ATP10D: variants seen among roughly 807,000 people sequenced by gnomAD.
The protein encoded by ATP10D is ATPase phospholipid transporting 10D (putative).
Under a neutral mutation model 144.8 loss-of-function variants are expected in ATP10D, and 89 were observed. The ratio of observed to expected loss-of-function variants is 0.61; its 90% CI spans 0.52 to 0.73. ATP10D has a LOEUF of 0.73. Ranked by LOEUF, ATP10D falls within the 30% of genes least tolerant of loss-of-function variation. The pLI is 0.00. For missense variants in ATP10D, 1,603 were observed against 1,714.8 expected, an observed-to-expected ratio of 0.93 and a Z score of 1.15; for synonymous variants, 571 against 615.1, an observed-to-expected ratio of 0.93 and a Z score of 1.06.
intron 1 of ATP10D, among the ~76,000 whole-genome samples, chr4:47,502,471 TA>T (rs5858075): frequency 0.31 from 44,010 of 141,272 alleles, 6,593 homozygotes; most frequent in Middle Eastern, 0.36. Context: ...CTACGTCTCA[TA>T]AAAAAAAAAA....
intron 14 of ATP10D, 129 bp downstream of exon 14, chr4:47,561,204 G>C (rs1305248383): frequency 4.2e-6 from 5 of 1,200,556 alleles, no homozygotes; most frequent in Non-Finnish European, 5.9e-6. Context: ...TGTCCAGTCT[G>C]ATCTCTATCC....
intron 2 of ATP10D, 160 bp downstream of exon 2, chr4:47,512,990 A>T: frequency 5.9e-6 from 4 of 675,070 alleles, no homozygotes; most frequent in Non-Finnish European, 7.2e-6. Flanking sequence ...GACTCCTCCC[A>T]TTCACGTAGC....
intron 11 of ATP10D, among the ~76,000 whole-genome samples, chr4:47,557,174 C>G (rs1055071689): frequency 6.6e-6 from 1 of 151,726 alleles, no homozygotes; most frequent in Admixed American, 6.6e-5. Flanking sequence ...TATAACATTT[C>G]AAGATGTGTC....
intron 18 of ATP10D, among the ~76,000 whole-genome samples, 173 bp from the exon 19 acceptor site, chr4:47,576,595 CTTTAA>C (rs949459794): frequency 2.0e-5 from 3 of 152,110 alleles, no homozygotes; most frequent in African/African-American, 7.2e-5. Flanking sequence ...CATGTGTGCA[CTTTAA>C]TTTAATAAAA....
chr4:47,492,980 A>G (rs569977928), intron 1 of ATP10D, among the ~76,000 whole-genome samples: 15 of 152,312 alleles, frequency 9.8e-5, no homozygotes, highest in Non-Finnish European at 2.2e-4. Context: ...GTCTATTGAT[A>G]TAATCTTTTG....
At chr4:47,559,314 T>C (rs950216182) in intron 13 of ATP10D, among the ~76,000 whole-genome samples, 1 of 152,238 alleles carries the variant, frequency 6.6e-6, no homozygotes, top group Admixed American at 6.5e-5. Flanking sequence ...AATAAAAATC[T>C]CTGGATCTTA....
rs768089566 is a variant in ATP10D, at chr4:47,557,764, T to C, written c.1925T>C (p.Leu642Pro). The C allele has an allele frequency of 6.2e-7, 1 of 1,614,238 alleles. No homozygotes were observed. The highest frequency in any genetic ancestry group is 2.2e-5 in the East Asian group (1 of 44,890). The change falls in exon 12 of 23, where the codon CTT becomes CCT. Residue 642 changes from leucine to proline, a missense_variant. Coordinates refer to ENST00000273859, the MANE Select transcript of ATP10D (RefSeq NM_020453.4). ...WSVRRSSSPS[L>P]NSGKEPSSGV... is the part of the protein sequence containing the mutation. ...GTCCGAAGATCAAGTTCTCCATCGC[T>C]TAACAGTGGGAAAGAGCCATCTTCT... is the stretch of plus-strand genomic sequence containing the variant.
At position 47,559,118 on chromosome 4, in the gene ATP10D, C is replaced by A. The variant is rs1017037762; in HGVS notation, c.2541+89C>A. 5 of 979,358 alleles carry A rather than the reference C, an allele frequency of 5.1e-6. No individual in the cohort carries two copies. The African/African-American group carries it at 6.6e-5, about 13-fold the overall frequency. 60.7% of individuals were successfully genotyped at this position (979,358 alleles called of 1,614,324 possible). ...AAACCAGCGTGTAGCAAACCCTAAT[C>A]CAGATGCTGGGGAAAGTCCCCTGGA... On this transcript the variant is annotated intron_variant, in intron 13 of 22. Transcript: ENST00000273859.
intron 19 of ATP10D, 90 bp from the exon 20 acceptor site, chr4:47,580,306 CAG>C (rs1720445235): frequency 9.7e-7 from 1 of 1,030,614 alleles, no homozygotes; most frequent in Non-Finnish European, 1.5e-6. Context: ...AGCTTTCTCT[CAG>C]AGAAACAAAT....
chr4:47,565,749 TA>T (rs201409405), intron 15 of ATP10D, among the ~76,000 whole-genome samples: 4,575 of 152,106 alleles, frequency 0.03, 227 homozygotes, highest in African/African-American at 0.1. Flanking sequence ...TATATCCATA[TA>T]AAAAAATTAC....
chr4:47,579,005 A>C lies in ATP10D; in HGVS notation c.3568-1393A>C, dbSNP rs559221642. Among the ~76,000 whole-genome samples, 167 of 152,358 alleles carry C rather than the reference A, an allele frequency of 1.1e-3. 6 individuals are homozygous for C. In the South Asian group the frequency reaches 0.034, roughly 31 times the overall value. On this transcript the variant is annotated intron_variant, in intron 19 of 22. Transcript: ENST00000273859. The stretch of plus-strand genomic sequence containing the variant: ...CTGCATTTGGAAGAAAACAAGACTG[A>C]GAACATGTTAGGAAAAGACTAGCTC...
intron 1 of ATP10D, among the ~76,000 whole-genome samples, chr4:47,488,635 G>C (rs1347927730): frequency 1.2e-5 from 1 of 80,854 alleles, no homozygotes; most frequent in Non-Finnish European, 2.7e-5. Flanking sequence ...AAAAAAAAAA[G>C]ATAAATGGTA....
chr4:47,575,285 A>G (rs914031653), intron 18 of ATP10D, among the ~76,000 whole-genome samples: 1 of 152,126 alleles, frequency 6.6e-6, no homozygotes, highest in African/African-American at 2.4e-5. Context: ...TCTAAGTCCA[A>G]TGTCCTTTCC....
chr4:47,519,485 G>T (rs958874077), intron 3 of ATP10D, among the ~76,000 whole-genome samples: 3 of 152,216 alleles, frequency 2.0e-5, no homozygotes, highest in African/African-American at 4.8e-5. Context: ...AAAGAAGAAA[G>T]TCCTCTTACT....
chr4:47,572,092 C>A, intron 16 of ATP10D, 62 bp from the exon 17 acceptor site: 1 of 1,473,890 alleles, frequency 6.8e-7, no homozygotes, highest in Non-Finnish European at 9.5e-7. Flanking sequence ...TATTGATTTG[C>A]AACATTTACA....
At position 47,581,966 on chromosome 4, in the gene ATP10D, C is replaced by G. The variant is rs144576632; in HGVS notation, c.3655C>G (p.Gln1219Glu). ...VCFFVPYFTY[Q>E]GSDTDIFAFG... The stretch of plus-strand genomic sequence containing the variant: ...TAATGTCCTCTCTTTGTAGACCTAC[C>G]AGGGCTCAGATACTGACATCTTTGC... Residue 1219 changes from glutamine to glutamate, a missense_variant, in exon 21 of 23, where the codon CAG becomes GAG. Physicochemically the swap from Gln to Glu is conservative, Grantham distance 29 (BLOSUM62 2). Coordinates refer to ENST00000273859, the MANE Select transcript of ATP10D (RefSeq NM_020453.4). The G allele has an allele frequency of 3.1e-6, 5 of 1,613,364 alleles. 1 individual carries two copies. In the South Asian group the frequency reaches 5.5e-5, roughly 18 times the overall value.
In ATP10D at chr4:47,591,101, A is replaced by C; in HGVS notation, c.4001A>C (p.His1334Pro). The change falls in exon 23 of 23, where the codon CAC becomes CCC. Residue 1334 changes from histidine (H) to proline (P), a missense_variant. Physicochemically the swap from His to Pro is moderately conservative, Grantham distance 77 (BLOSUM62 -2). Transcript: ENST00000273859. Reference sequence around the variant, plus strand: ...CCATCTCCAATTCTGAGAGCTAAGCACTTTGACAGACTAACTCCAGAGGAG... The same window carrying C: ...CCATCTCCAATTCTGAGAGCTAAGCCCTTTGACAGACTAACTCCAGAGGAG... Reference protein sequence around the residue: ...LFPSPILRAKHFDRLTPEERT... With the variant: ...LFPSPILRAKPFDRLTPEERT... The C allele has an allele frequency of 6.2e-7, 1 of 1,613,196 alleles. No individual in the cohort carries two copies. The highest frequency in any genetic ancestry group is 8.5e-7 in the Non-Finnish European group (1 of 1,179,462).
At chr4:47,552,787 A>T (rs1022807254) in intron 10 of ATP10D, among the ~76,000 whole-genome samples, 1 of 152,200 alleles carries the variant, frequency 6.6e-6, no homozygotes, top group African/African-American at 2.4e-5. Context: ...CAATGAAATC[A>T]CTATTAGCTT....
At chr4:47,568,723 C>A in intron 15 of ATP10D, 114 bp from the exon 16 acceptor site, 2 of 879,276 alleles carry the variant, frequency 2.3e-6, no homozygotes, top group Non-Finnish European at 3.6e-6. Context: ...ATCAGTTATT[C>A]ATTATTTGAG....
Sources: allele counts gnomAD v4.1 joint callset (sites outside exome capture counted in the v4.1 genomes callset), GRCh38; gene constraint gnomAD v4.1.1; transcripts MANE v1.5; gene names NCBI Gene and HGNC (gene_info 2026-07-23, HGNC 2026-07-21).